MDP1: variants seen among roughly 807,000 people sequenced by gnomAD.
MDP1 encodes the protein magnesium-dependent phosphatase 1.
MDP1 carries 18 observed loss-of-function variants against 21.6 expected under a neutral mutation model. The observed-to-expected ratio is 0.83, with a 90% CI of 0.58 to 1.24. The LOEUF is 1.24. Among genes scored for constraint, MDP1 ranks in the 50% most tolerant of loss-of-function variants. MDP1 has a pLI of 0.00. For missense variants in MDP1, 207 were observed against 218.6 expected (o/e 0.95, Z 0.33); for synonymous variants, 101 against 83.2 (o/e 1.21, Z -1.16).
At chr14:24,215,424 G>A in intron 3 of MDP1, 128 bp downstream of exon 3, 2 of 1,121,922 alleles carry the variant, frequency 1.8e-6, no homozygotes, top group South Asian at 2.8e-5. Context: ...ACAGGAGAGC[G>A]TTCAAGGGAA....
intron 4 of MDP1, 36 bp downstream of exon 4, chr14:24,214,456 A>C: frequency 6.2e-7 from 1 of 1,614,162 alleles, no homozygotes; most frequent in Non-Finnish European, 8.5e-7. Context: ...CCTCTCTGAT[A>C]CTTTCTCACC....
chr14:24,214,564 T>C lies in MDP1; in HGVS notation c.245A>G (p.Glu82Gly), dbSNP rs1394600954. ...AAAGTACCTGAAGAGGTCAAAGAGC[T>C]CCAGTAGCTGGTTGGCCCCTTCTAT... ...SEIEGANQLL[E>G]LFDLFRYFVH... is the part of the protein sequence containing the mutation. The change falls in exon 4 of 6, where the codon GAG becomes GGG. Residue 82 changes from glutamate to glycine, a missense_variant. By Grantham distance (98) the Glu-to-Gly change is moderately conservative. Coordinates refer to ENST00000288087, the MANE Select transcript of MDP1 (RefSeq NM_138476.4). 6.2e-7 allele frequency: 1 copy of C among 1,614,048 alleles called. No individual in the cohort carries two copies. Among genetic ancestry groups the C allele is most frequent in the Non-Finnish European group, 8.5e-7 (1 of 1,180,038 alleles).
intron 1 of MDP1, 41 bp downstream of exon 1, chr14:24,215,878 A>G: frequency 6.2e-7 from 1 of 1,614,184 alleles, no homozygotes; most frequent in Non-Finnish European, 8.5e-7. Flanking sequence ...GATGTGGAAA[A>G]GGAGAGCACC....
intron 3 of MDP1, among the ~76,000 whole-genome samples, 169 bp from the exon 4 acceptor site, chr14:24,214,768 T>C (rs997863723): frequency 6.6e-6 from 1 of 152,124 alleles, no homozygotes; most frequent in African/African-American, 2.4e-5. Context: ...TTTGACACAA[T>C]TGGTGCTGGG....
chr14:24,215,711 C>G, intron 2 of MDP1, 26 bp downstream of exon 2: 1 of 1,614,184 alleles, frequency 6.2e-7, no homozygotes, highest in South Asian at 1.1e-5. Flanking sequence ...CTATCTCGCC[C>G]CCAGTCTTCC....
chr14:24,214,635 G>A, intron 3 of MDP1, 36 bp from the exon 4 acceptor site: 1 of 1,609,652 alleles, frequency 6.2e-7, no homozygotes, highest in Non-Finnish European at 8.5e-7. Flanking sequence ...TTAGCAAAGT[G>A]AAGGGCCAGG....
chr14:24,214,496 C>G lies in MDP1; in HGVS notation c.313G>C (p.Glu105Gln). Residue 105 changes from glutamate to glutamine, a missense_variant, in exon 4 of 6, where the codon GAG becomes CAG. Coordinates refer to ENST00000288087, the MANE Select transcript of MDP1 (RefSeq NM_138476.4). ...IYPGSKITHF[E>Q]RLQQKTGIPF... ...TCCTCCCTTATCTCCGCATACCTCTCAAAGTGTGTGATCTTGCTGCCTGGA... is the reference window on the plus strand; with the variant it reads ...TCCTCCCTTATCTCCGCATACCTCTGAAAGTGTGTGATCTTGCTGCCTGGA... The G allele has an allele frequency of 6.2e-7, 1 of 1,614,176 alleles. No individual in the cohort carries two copies. The highest frequency in any genetic ancestry group is 8.5e-7 in the Non-Finnish European group (1 of 1,180,038).
In MDP1 at chr14:24,214,101, G is replaced by A; in HGVS notation, c.454C>T (p.Gln152Ter). The change falls in exon 6 of 6, where the codon CAA becomes TAA. Residue 152 changes from glutamine to a stop codon, truncating the protein, a stop_gained. Coordinates refer to ENST00000288087, the MANE Select transcript of MDP1 (RefSeq NM_138476.4). LOFTEE classifies it low-confidence loss of function (END_TRUNC). ...QNGMNLQTLS[Q>*]GLETFAKAQT... ...GCCTTCGCAAATGTCTCTAACCCTT[G>A]ACTTAGAGTTTGAAGATTCATTCCA... 1 of 1,613,694 alleles carries A rather than the reference G, an allele frequency of 6.2e-7. No individual in the cohort carries two copies. The highest frequency in any genetic ancestry group is 8.5e-7 in the Non-Finnish European group (1 of 1,179,836).
chr14:24,216,062 A>C lies in MDP1; in HGVS notation c.-107T>G. On this transcript the variant is annotated 5_prime_UTR_variant, in exon 1 of 6. Transcript: ENST00000288087. ...CAGCCACCCTGCCTGCCATAGACAA[A>C]TGGCGACTAGAGCGTCGCCACTCGG... The C allele has an allele frequency of 1.8e-5, 26 of 1,443,644 alleles. No individual in the cohort carries two copies. The highest frequency in any genetic ancestry group is 2.8e-5 in the African/African-American group (2 of 71,388). The allele number at this position is 1,443,644 out of a possible 1,614,324, so 89.4% of individuals were successfully genotyped here.
chr14:24,214,387 T>C lies in MDP1; in HGVS notation c.326A>G (p.Gln109Arg), dbSNP rs1345546033. Reference protein sequence around the residue: ...SKITHFERLQQKTGIPFSQMI... With the variant: ...SKITHFERLQRKTGIPFSQMI... Reference sequence around the variant, plus strand: ...CTGGGAGAAAGGAATTCCAGTCTTCTGCTGCAACCTATTCAAGACAGGGCA... The same window carrying C: ...CTGGGAGAAAGGAATTCCAGTCTTCCGCTGCAACCTATTCAAGACAGGGCA... Residue 109 changes from glutamine to arginine, a missense_variant, in exon 5 of 6, where the codon CAG becomes CGG. Gln to Arg is a conservative substitution (Grantham distance 43, BLOSUM62 1). Transcript: ENST00000288087. 6.2e-7 allele frequency: 1 copy of C among 1,614,236 alleles called. No individual in the cohort carries two copies. The highest frequency in any genetic ancestry group is 8.5e-7 in the Non-Finnish European group (1 of 1,180,040).
Position 24,215,563 on chromosome 14 carries a change from C to CGCACCGG in MDP1, c.191_197dup (p.Ala67ArgfsTer9). 6.2e-7 allele frequency: 1 copy of CGCACCGG among 1,614,162 alleles called. No homozygotes were observed. Among genetic ancestry groups the CGCACCGG allele is most frequent in the South Asian group, 1.1e-5 (1 of 91,088 alleles). On this transcript the variant is annotated frameshift_variant, in exon 3 of 6. Coordinates refer to ENST00000288087, the MANE Select transcript of MDP1 (RefSeq NM_138476.4). LOFTEE classifies it high-confidence loss of function. ...GTCGCTCTTCTTACCTTGAAGCAGC[C>CGCACCGG]GCACCGGGCACCCCAAGGCTCTGCA...
In MDP1 at chr14:24,214,115, A is replaced by C; in HGVS notation, c.440T>G (p.Leu147Arg). The C allele has an allele frequency of 6.2e-7, 1 of 1,613,500 alleles. No individual in the cohort carries two copies. The highest frequency in any genetic ancestry group is 8.5e-7 in the Non-Finnish European group (1 of 1,179,784). ...CTCTAACCCTTGACTTAGAGTTTGA[A>C]GATTCATTCCATTCTGGATGTGAAT... is the stretch of plus-strand genomic sequence containing the variant. ...TCIHIQNGMN[L>R]QTLSQGLETF... The change falls in exon 6 of 6, where the codon CTT becomes CGT. Residue 147 changes from leucine to arginine, a missense_variant. Leu to Arg is a moderately radical substitution (Grantham distance 102). Coordinates refer to ENST00000288087, the MANE Select transcript of MDP1 (RefSeq NM_138476.4).
In MDP1 at chr14:24,216,036, G is replaced by A; in HGVS notation, c.-81C>T. ...GAGTGCGGAACCTCCGGCAGCTAAG[G>A]CAGCCACCCTGCCTGCCATAGACAA... is the stretch of plus-strand genomic sequence containing the variant. On this transcript the variant is annotated 5_prime_UTR_variant, in exon 1 of 6. Transcript: ENST00000288087. The A allele has an allele frequency of 6.3e-7, 1 of 1,584,272 alleles. No individual in the cohort carries two copies. Among genetic ancestry groups the A allele is most frequent in the Non-Finnish European group, 8.6e-7 (1 of 1,160,076 alleles).
In MDP1 at chr14:24,214,531, C is replaced by T. The variant is rs151144043; in HGVS notation, c.278G>A (p.Arg93Gln). 44 of 1,614,136 alleles carry T rather than the reference C, an allele frequency of 2.7e-5. No individual in the cohort carries two copies. Among genetic ancestry groups the T allele is most frequent in the African/African-American group, 1.1e-4 (8 of 75,014 alleles). Reference sequence around the variant, plus strand: ...GATCTTGCTGCCTGGATAGATTTCCCGATGAACAAAGTACCTGAAGAGGTC... The same window carrying T: ...GATCTTGCTGCCTGGATAGATTTCCTGATGAACAAAGTACCTGAAGAGGTC... ...LFDLFRYFVHREIYPGSKITH... is the reference protein window; with the variant it reads ...LFDLFRYFVHQEIYPGSKITH... The change falls in exon 4 of 6, where the codon CGG (arginine) becomes CAG (glutamine). Residue 93 changes from arginine to glutamine, a missense_variant. By Grantham distance (43) the Arg-to-Gln change is conservative (BLOSUM62 1). Coordinates refer to ENST00000288087, the MANE Select transcript of MDP1 (RefSeq NM_138476.4).
At chr14:24,214,673 G>GT in intron 3 of MDP1, 74 bp from the exon 4 acceptor site, 1 of 1,529,660 alleles carries the variant, frequency 6.5e-7, no homozygotes, top group Non-Finnish European at 9.0e-7. Flanking sequence ...AGCAAAGTTA[G>GT]TAAGTATAAC....
rs146361381 is a variant in MDP1, at chr14:24,215,077, C to T, written c.209+475G>A. On this transcript the variant is annotated intron_variant, in intron 3 of 5. Coordinates refer to ENST00000288087, the MANE Select transcript of MDP1 (RefSeq NM_138476.4). ...ACAGGTGTGAGTCACTGTGTCTGGC[C>T]CCACTTTTTTTTTTTTTTTTTTTTT... Among the ~76,000 whole-genome samples the T allele has an allele frequency of 5.0e-3, 738 of 148,276 alleles. 11 individuals are homozygous for T. Among genetic ancestry groups the T allele is most frequent in the African/African-American group, 0.017 (683 of 39,580 alleles).
At position 24,214,337 on chromosome 14, in the gene MDP1, G is replaced by T. The variant is rs2295317; in HGVS notation, c.376C>A (p.Arg126=). ...SQMIFFDDER[R]NIVDVSKLGV... ...AGTTTGCTGACGTCTACAATATTCC[G>T]CCTCTCATCATCAAAGAAGATCATC... The change falls in exon 5 of 6, where the codon CGG becomes AGG. Residue 126 remains arginine (R), a synonymous_variant. Transcript: ENST00000288087. The T allele has an allele frequency of 2.6e-4, 425 of 1,614,084 alleles. 4 individuals are homozygous for T. The East Asian group carries it at 9.1e-3, about 34-fold the overall frequency.
chr14:24,215,117 ACT>A (rs1040914329), intron 3 of MDP1, among the ~76,000 whole-genome samples: 2 of 110,540 alleles, frequency 1.8e-5, no homozygotes, highest in African/African-American at 3.7e-5. Context: ...ACATTGTCTC[ACT>A]CTGTCACCCA....
In MDP1 at chr14:24,214,569, T is replaced by A. The variant is rs555779151; in HGVS notation, c.240A>T (p.Leu80=). The A allele has an allele frequency of 2.5e-6, 4 of 1,614,222 alleles. No homozygotes were observed. Among genetic ancestry groups the A allele is most frequent in the Non-Finnish European group, 3.4e-6 (4 of 1,180,044 alleles). Residue 80 remains leucine (L), a synonymous_variant, in exon 4 of 6, where the codon CTA becomes CTT. Transcript: ENST00000288087. ...ACCTGAAGAGGTCAAAGAGCTCCAG[T>A]AGCTGGTTGGCCCCTTCTATCTCAC... ...RTSEIEGANQ[L]LELFDLFRYF... is the part of the protein sequence containing the mutation.
Sources: gnomAD v4.1 joint callset for allele counts (sites outside exome capture counted in the v4.1 genomes callset) on GRCh38, gnomAD v4.1.1 for gene constraint, MANE v1.5 for transcripts, NCBI Gene and HGNC (gene_info 2026-07-23, HGNC 2026-07-21) for gene names.